Variants in MAP3K15 observed in about 807,000 individuals in gnomAD.
MAP3K15 encodes the protein MAPK/ERK kinase kinase 15.
Under a neutral mutation model 99.5 loss-of-function variants are expected in MAP3K15, and 124 were observed. The observed-to-expected ratio is 1.25, with a 90% CI of 1.08 to 1.45. The LOEUF (loss-of-function observed/expected upper bound fraction) is 1.45, where lower values mean the gene tolerates loss of function less well. Ranked by LOEUF, MAP3K15 falls within the 40% of genes most tolerant of loss-of-function variation. The probability of loss-of-function intolerance (pLI) is 0.00; values close to 1 mark genes in which losing one functional copy is unlikely to be tolerated. For missense variants in MAP3K15, 1,242 were observed against 1,079.7 expected (o/e 1.15, Z -2.11); for synonymous variants, 494 against 439.6 (o/e 1.12, Z -1.55).
intron 18 of MAP3K15, among the ~76,000 whole-genome samples, chrX:19,381,966 C>T (rs1333803758): frequency 1.8e-5 from 2 of 111,968 alleles, no homozygotes; most frequent in African/African-American, 3.2e-5. Flanking sequence ...AAAGCAGGGC[C>T]GGGCATGGTG....
At chrX:19,436,019 T>C (rs767616919) in intron 6 of MAP3K15, among the ~76,000 whole-genome samples, 5 of 111,005 alleles carry the variant, frequency 4.5e-5, no homozygotes, top group African/African-American at 1.6e-4. Context: ...CAGGGCATGG[T>C]GGCAGGTGCC....
intron 18 of MAP3K15, among the ~76,000 whole-genome samples, chrX:19,381,419 C>T (rs1463393098): frequency 8.9e-6 from 1 of 111,954 alleles, no homozygotes. Context: ...TGGAGGAGTC[C>T]CACCTGGGTT....
At chrX:19,373,759 C>T (rs887113035) in intron 20 of MAP3K15, 64 bp from the exon 21 acceptor site, 3 of 1,104,756 alleles carry the variant, frequency 2.7e-6, no homozygotes, top group Middle Eastern at 6.8e-4. Context: ...GAGCTGAGTC[C>T]CTGGCAGCCC....
intron 7 of MAP3K15, among the ~76,000 whole-genome samples, chrX:19,428,196 G>T (rs2063847765): frequency 9.0e-6 from 1 of 111,545 alleles, no homozygotes; most frequent in African/African-American, 3.3e-5. Flanking sequence ...TGGGTTAGAT[G>T]ATATCCAAGA....
chrX:19,486,692 C>G (rs1286120585), intron 2 of MAP3K15, among the ~76,000 whole-genome samples, 187 bp from the exon 3 acceptor site: 1 of 111,263 alleles, frequency 9.0e-6, no homozygotes, highest in Non-Finnish European at 1.9e-5. Flanking sequence ...CACAATGAAC[C>G]TCTGAATTGC....
chrX:19,381,771 G>A (rs1230473201), intron 18 of MAP3K15, among the ~76,000 whole-genome samples: 1 of 111,948 alleles, frequency 8.9e-6, no homozygotes, highest in African/African-American at 3.2e-5. Context: ...CGTTTTCCTT[G>A]AAACTCAGCC....
chrX:19,444,769 T>C (rs1200117767), intron 6 of MAP3K15, among the ~76,000 whole-genome samples: 1 of 111,614 alleles, frequency 9.0e-6, no homozygotes, highest in African/African-American at 3.3e-5. Flanking sequence ...AAACAGTTGA[T>C]CAGAAAAAGA....
At chrX:19,390,791 T>C (rs1388245394) in intron 18 of MAP3K15, among the ~76,000 whole-genome samples, 1 of 106,585 alleles carries the variant, frequency 9.4e-6, no homozygotes, top group African/African-American at 3.4e-5. Context: ...ATCTTGGCCT[T>C]TTAAAGTGCT....
chrX:19,505,923 T>G (rs903275287), intron 1 of MAP3K15, among the ~76,000 whole-genome samples: 2 of 107,752 alleles, frequency 1.9e-5, no homozygotes, highest in Non-Finnish European at 3.8e-5. Flanking sequence ...ATTTTTGGGG[T>G]TTTTTGTTTG....
At chrX:19,391,939 G>T in intron 18 of MAP3K15, 63 bp downstream of exon 18, 1 of 816,774 alleles carries the variant, frequency 1.2e-6, no homozygotes, top group Non-Finnish European at 1.8e-6. Context: ...CTGAACAACC[G>T]CAGCTTGTGC....
intron 18 of MAP3K15, among the ~76,000 whole-genome samples, chrX:19,385,397 C>A: frequency 8.9e-6 from 1 of 111,854 alleles, no homozygotes; most frequent in East Asian, 2.8e-4. Context: ...CCTTTTATGA[C>A]CTAGTGTCCA....
At chrX:19,431,816 C>T (rs918331472) in intron 6 of MAP3K15, among the ~76,000 whole-genome samples, 2 of 111,082 alleles carry the variant, frequency 1.8e-5, no homozygotes, top group African/African-American at 6.6e-5. Flanking sequence ...TAGTGGCCCA[C>T]GCCTGTAATC....
intron 25 of MAP3K15, among the ~76,000 whole-genome samples, chrX:19,363,103 A>G (rs1274170514): frequency 1.8e-5 from 2 of 111,934 alleles, no homozygotes; most frequent in Non-Finnish European, 3.8e-5. Flanking sequence ...CAGCTTGGAT[A>G]TATTTTTGCA....
chrX:19,454,824 G>A (rs1171514428), intron 6 of MAP3K15, among the ~76,000 whole-genome samples: 1 of 111,730 alleles, frequency 9.0e-6, no homozygotes, highest in Non-Finnish European at 1.9e-5. Context: ...TTCAGATTTT[G>A]GAATGTTTAC....
At chrX:19,429,302 G>C (rs1312854407) in intron 7 of MAP3K15, among the ~76,000 whole-genome samples, 3 of 110,777 alleles carry the variant, frequency 2.7e-5, no homozygotes, top group Non-Finnish European at 3.8e-5. Flanking sequence ...GGTACTGTTA[G>C]AACATTCCTG....
intron 24 of MAP3K15, among the ~76,000 whole-genome samples, chrX:19,369,603 T>A (rs1193597503): frequency 9.0e-6 from 1 of 110,831 alleles, no homozygotes; most frequent in East Asian, 2.8e-4. Flanking sequence ...AAACCCCATC[T>A]CTACTAAAAA....
chrX:19,465,423 G>T (rs1200480589), intron 3 of MAP3K15, among the ~76,000 whole-genome samples: 4 of 110,349 alleles, frequency 3.6e-5, no homozygotes, highest in African/African-American at 1.3e-4. Flanking sequence ...ATCCTTGTGG[G>T]TACCAGCTAT....
intron 6 of MAP3K15, among the ~76,000 whole-genome samples, chrX:19,439,525 G>A (rs779232672): frequency 9.0e-6 from 1 of 111,419 alleles, no homozygotes; most frequent in African/African-American, 3.3e-5. Flanking sequence ...GAATACTGTG[G>A]CATGGTCATA....
intron 10 of MAP3K15, 59 bp downstream of exon 10, chrX:19,415,047 TA>T: frequency 1.0e-6 from 1 of 1,004,495 alleles, no homozygotes; most frequent in Non-Finnish European, 1.3e-6. Flanking sequence ...AATAGTTAAA[TA>T]GCACCAATCC....
Sources: allele counts gnomAD v4.1 joint callset (sites outside exome capture counted in the v4.1 genomes callset), GRCh38; gene constraint gnomAD v4.1.1; transcripts MANE v1.5; gene names NCBI Gene and HGNC (gene_info 2026-07-23, HGNC 2026-07-21).